TTC12: variants seen among roughly 807,000 people sequenced by gnomAD.
The protein encoded by TTC12 is tetratricopeptide repeat domain 12.
Under a neutral mutation model 90.1 loss-of-function variants are expected in TTC12, and 70 were observed. The observed-to-expected ratio is 0.78, with a 90% CI of 0.64 to 0.95. The LOEUF is 0.95. TTC12 is among the 40% of genes least tolerant of loss of function. TTC12 has a pLI of 0.00. For missense variants in TTC12, 819 were observed against 846.1 expected (o/e 0.97, Z 0.40); for synonymous variants, 296 against 311.5 (o/e 0.95, Z 0.53).
chr11:113,366,453 G>C, downstream of TTC12: 1 of 1,408,008 alleles, frequency 7.1e-7, no homozygotes, highest in African/African-American at 1.4e-5. Flanking sequence ...ACAAGAGAGT[G>C]GGCATTAGGC....
intron 16 of TTC12, among the ~76,000 whole-genome samples, chr11:113,354,223 A>G (rs1054809273): frequency 6.6e-6 from 1 of 152,052 alleles, no homozygotes; most frequent in Non-Finnish European, 1.5e-5. Flanking sequence ...TTTGGTGGCA[A>G]TTATAAATGA....
At chr11:113,368,503 G>C (rs1206659311), downstream of TTC12, 3 of 1,550,062 alleles carry the variant, frequency 1.9e-6, no homozygotes, top group East Asian at 7.3e-5. Flanking sequence ...GAGGAGCTGG[G>C]ATTTTCCATC....
chr11:113,346,935 G>T (rs1949003304), intron 13 of TTC12, among the ~76,000 whole-genome samples: 1 of 152,174 alleles, frequency 6.6e-6, no homozygotes, highest in South Asian at 2.1e-4. Flanking sequence ...CACAGAGACA[G>T]CTGCTTATCA....
intron 13 of TTC12, among the ~76,000 whole-genome samples, chr11:113,346,458 A>T (rs181945488): frequency 6.3e-4 from 96 of 152,244 alleles, no homozygotes; most frequent in African/African-American, 2.2e-3. Context: ...GCGGTGGCTT[A>T]AAGACGTCGA....
chr11:113,323,588 T>C (rs1947487645), intron 3 of TTC12, 137 bp downstream of exon 3: 3 of 577,272 alleles, frequency 5.2e-6, no homozygotes, highest in Non-Finnish European at 8.1e-6. Flanking sequence ...TAAGAAAGTA[T>C]AAAATTTGAT....
intron 2 of TTC12, among the ~76,000 whole-genome samples, chr11:113,319,598 A>G (rs1947167023): frequency 6.6e-6 from 1 of 152,080 alleles, no homozygotes; most frequent in Admixed American, 6.5e-5. Context: ...GCAAAGTAGT[A>G]TGTACTAAAA....
chr11:113,368,701 T>C (rs1950294844), downstream of TTC12: 2 of 599,218 alleles, frequency 3.3e-6, no homozygotes, highest in East Asian at 5.5e-5. Context: ...GCTGAGATGC[T>C]GCAACAGGTC....
chr11:113,341,670 G>A, intron 11 of TTC12, 167 bp from the exon 12 acceptor site: 1 of 624,220 alleles, frequency 1.6e-6, no homozygotes, highest in Non-Finnish European at 2.9e-6. Context: ...CGTGGCCTGG[G>A]ACTCATGGTT....
Position 113,340,682 on chromosome 11 carries a change from T to C in TTC12, c.845T>C (p.Phe282Ser). The change falls in exon 11 of 22, where the codon TTC (phenylalanine) becomes TCC (serine). Residue 282 changes from phenylalanine (F) to serine (S), a missense_variant. Coordinates refer to ENST00000529221, the MANE Select transcript of TTC12 (RefSeq NM_017868.4). The part of the protein sequence containing the change: ...MINECTEQTL[F>S]RMHNGFSIIS... ...GTTTCAGGCACAGAACAAACTTTAT[T>C]CAGAATGCACAATGGATTTAGTATC... is the stretch of plus-strand genomic sequence containing the variant. The C allele has an allele frequency of 6.2e-7, 1 of 1,614,092 alleles. No homozygotes were observed. Among genetic ancestry groups the C allele is most frequent in the Non-Finnish European group, 8.5e-7 (1 of 1,179,956 alleles).
At chr11:113,364,112 C>T (rs894152096) in intron 20 of TTC12, among the ~76,000 whole-genome samples, 185 bp downstream of exon 20, 1 of 152,212 alleles carries the variant, frequency 6.6e-6, no homozygotes, top group Non-Finnish European at 1.5e-5. Context: ...CTTTTGGATG[C>T]ACACAGGTAG....
In TTC12 at chr11:113,359,423, A is replaced by G; in HGVS notation, c.1507A>G (p.Met503Val). The stretch of plus-strand genomic sequence containing the variant: ...GGTTATCTACACACTCCTGGGACTC[A>G]TGATGAACCTGTGTCTTCAGGCTCC... ...REVIYTLLGL[M>V]MNLCLQAPFV... is the part of the protein sequence containing the mutation. The change falls in exon 17 of 22, where the codon ATG (methionine) becomes GTG (valine). Residue 503 changes from methionine to valine, a missense_variant. Physicochemically the swap from Met to Val is conservative, Grantham distance 21 (BLOSUM62 1). Coordinates refer to ENST00000529221, the MANE Select transcript of TTC12 (RefSeq NM_017868.4). The G allele has an allele frequency of 6.2e-7, 1 of 1,613,550 alleles. No homozygotes were observed. The highest frequency in any genetic ancestry group is 8.5e-7 in the Non-Finnish European group (1 of 1,179,522).
At chr11:113,366,643 C>G (rs1250365155), downstream of TTC12, among the ~76,000 whole-genome samples, 3 of 152,200 alleles carry the variant, frequency 2.0e-5, no homozygotes, top group Non-Finnish European at 4.4e-5. Context: ...CACTTCCTAC[C>G]CCTTTTGCTA....
chr11:113,353,433 T>A (rs547784150), intron 16 of TTC12, among the ~76,000 whole-genome samples: 1 of 152,346 alleles, frequency 6.6e-6, no homozygotes, highest in East Asian at 1.9e-4. Flanking sequence ...TTCACTCTGT[T>A]GATAATTTCC....
chr11:113,322,096 G>GA (rs1947371731), intron 2 of TTC12, among the ~76,000 whole-genome samples: 1 of 152,134 alleles, frequency 6.6e-6, no homozygotes, highest in African/African-American at 2.4e-5. Flanking sequence ...AAATGGCATA[G>GA]AAACAAAAAT....
chr11:113,316,316 G>GT lies in TTC12; in HGVS notation c.58+2dup. On this transcript the variant is annotated splice_donor_variant, in intron 2 of 21. Transcript: ENST00000529221. LOFTEE classifies it high-confidence loss of function. ...TTTCTTAAAAATGTGGATGAAATCT[G>GT]TAAGTACTAGTAAATCATAAATTAA... The GT allele has an allele frequency of 7.3e-7, 1 of 1,368,600 alleles. No homozygotes were observed. Among genetic ancestry groups the GT allele is most frequent in the Admixed American group, 2.5e-5 (1 of 40,804 alleles). 84.8% of individuals were successfully genotyped at this position (1,368,600 alleles called of 1,614,324 possible).
chr11:113,324,397 A>G (rs561600504), intron 4 of TTC12, among the ~76,000 whole-genome samples: 29 of 152,316 alleles, frequency 1.9e-4, no homozygotes, highest in Admixed American at 3.9e-4. Context: ...CATAGCCATC[A>G]TGTGTAATAA....
At chr11:113,324,776 T>G (rs1458630705) in intron 5 of TTC12, 94 bp downstream of exon 5, 3 of 1,095,126 alleles carry the variant, frequency 2.7e-6, no homozygotes, top group Non-Finnish European at 4.0e-6. Flanking sequence ...GACATCTAGA[T>G]TCCCAGTGGT....
chr11:113,332,249 C>G (rs1310695619), intron 7 of TTC12, among the ~76,000 whole-genome samples: 1 of 152,158 alleles, frequency 6.6e-6, no homozygotes, highest in Non-Finnish European at 1.5e-5. Context: ...GGGGTTCACC[C>G]AAGAAAATTC....
downstream of TTC12, among the ~76,000 whole-genome samples, chr11:113,371,054 A>G (rs992659221): frequency 1.1e-4 from 17 of 152,172 alleles, no homozygotes; most frequent in Non-Finnish European, 1.5e-5. Flanking sequence ...AAGGTGATTT[A>G]CACTAGATCA....
Sources: allele counts gnomAD v4.1 joint callset (sites outside exome capture counted in the v4.1 genomes callset), GRCh38; gene constraint gnomAD v4.1.1; transcripts MANE v1.5; gene names NCBI Gene and HGNC (gene_info 2026-07-23, HGNC 2026-07-21).